Variants in WHRN observed in about 807,000 individuals in gnomAD.
The protein encoded by WHRN is CASK-interacting protein CIP98.
WHRN carries 41 observed loss-of-function variants against 68.3 expected under a neutral mutation model. That is an observed-to-expected ratio of 0.60 (90% CI 0.47 to 0.78). The LOEUF (loss-of-function observed/expected upper bound fraction) is 0.78, where lower values mean the gene tolerates loss of function less well. Ranked by LOEUF, WHRN falls within the 30% of genes least tolerant of loss-of-function variation. WHRN has a pLI of 0.00. For missense variants in WHRN, 1,243 were observed against 1,244.7 expected, an observed-to-expected ratio of 1.00 and a Z score of 0.02; for synonymous variants, 560 against 561.3, an observed-to-expected ratio of 1.00 and a Z score of 0.03.
intron 4 of WHRN, chr9:114,425,931 T>C (rs146428062): frequency 4.4e-4 from 214 of 488,914 alleles, no homozygotes; most frequent in African/African-American, 3.4e-3. Context: ...TGGTCCCCAC[T>C]TTTTGGATGA....
intron 1 of WHRN, among the ~76,000 whole-genome samples, chr9:114,498,533 G>A (rs1160058687): frequency 1.3e-5 from 2 of 152,148 alleles, no homozygotes; most frequent in Non-Finnish European, 2.9e-5. Flanking sequence ...CTCAGAGAAT[G>A]TATGGATGCA....
At position 114,411,668 on chromosome 9, in the gene WHRN, C is replaced by T. The variant is rs186047843; in HGVS notation, c.1627-3650G>A. On this transcript the variant is annotated intron_variant, in intron 7 of 11. Transcript: ENST00000362057. ...AGAGAACTACAAAGGACCTACTGTG[C>T]GCCAGGCCCCGTGCTGGGTGTTTTA... is the stretch of plus-strand genomic sequence containing the variant. Among the ~76,000 whole-genome samples, 176 of 152,262 alleles carry T rather than the reference C, an allele frequency of 1.2e-3. 1 individual carries two copies. The highest frequency in any genetic ancestry group is 5.3e-3 in the Admixed American group (81 of 15,302).
At chr9:114,416,096 A>G (rs1835796290) in intron 7 of WHRN, among the ~76,000 whole-genome samples, 1 of 152,146 alleles carries the variant, frequency 6.6e-6, no homozygotes, top group African/African-American at 2.4e-5. Flanking sequence ...GGGGGACAAG[A>G]GGAGGGAAGA....
chr9:114,443,009 T>C (rs964840162), intron 3 of WHRN, among the ~76,000 whole-genome samples: 1 of 152,158 alleles, frequency 6.6e-6, no homozygotes, highest in African/African-American at 2.4e-5. Context: ...GACATCAGAA[T>C]CTAGAGTGTG....
At chr9:114,405,861 T>C (rs527949188) in intron 9 of WHRN, among the ~76,000 whole-genome samples, 1 of 152,316 alleles carries the variant, frequency 6.6e-6, no homozygotes, top group South Asian at 2.1e-4. Context: ...ACAGCCCATG[T>C]CCTCTAGCAA....
intron 7 of WHRN, among the ~76,000 whole-genome samples, chr9:114,412,805 G>A (rs899272675): frequency 5.9e-5 from 9 of 152,216 alleles, no homozygotes; most frequent in African/African-American, 2.2e-4. Flanking sequence ...TGGACTCAGG[G>A]GCAGGTAAGG....
chr9:114,473,159 A>T (rs180770394), intron 2 of WHRN, among the ~76,000 whole-genome samples: 3 of 152,372 alleles, frequency 2.0e-5, no homozygotes, highest in Admixed American at 6.5e-5. Context: ...GCCGTGGGAC[A>T]GGGACACTGT....
rs760246051 is a variant in WHRN, at chr9:114,406,340, C to A, written c.2236+15G>T. ...GACCCCCAAGGACCACAGAGCCTGGCCTTGCTGTACTCACTGCGCGTCTGG... is the reference window on the plus strand; with the variant it reads ...GACCCCCAAGGACCACAGAGCCTGGACTTGCTGTACTCACTGCGCGTCTGG... On this transcript the variant is annotated intron_variant, in intron 9 of 11. Transcript: ENST00000362057. The A allele has an allele frequency of 1.2e-6, 2 of 1,613,930 alleles. No homozygotes were observed. The highest frequency in any genetic ancestry group is 2.2e-5 in the South Asian group (2 of 91,082).
Position 114,491,811 on chromosome 9 carries a change from G to A in WHRN, c.618+12373C>T, listed in dbSNP as rs532015791. The A allele has an allele frequency of 1.6e-4, 43 of 261,754 alleles. No individual in the cohort carries two copies. In the South Asian group the frequency reaches 4.5e-3, roughly 27 times the overall value. The allele number at this position is 261,754 out of a possible 1,614,324, so 16.2% of individuals were successfully genotyped here. ...CTGGAGCCAGTCCCACCATGCCCACGTCTCCTCCTGCAGGGCCCACAAGTC... is the reference window on the plus strand; with the variant it reads ...CTGGAGCCAGTCCCACCATGCCCACATCTCCTCCTGCAGGGCCCACAAGTC... On this transcript the variant is annotated intron_variant, in intron 1 of 11. Transcript: ENST00000362057.
At chr9:114,495,546 A>G (rs1843382578) in intron 1 of WHRN, among the ~76,000 whole-genome samples, 1 of 152,268 alleles carries the variant, frequency 6.6e-6, no homozygotes, top group South Asian at 2.1e-4. Context: ...ACGAGAAGGC[A>G]ATTAAAAAAT....
At chr9:114,496,342 A>C (rs1843456923) in intron 1 of WHRN, among the ~76,000 whole-genome samples, 1 of 152,210 alleles carries the variant, frequency 6.6e-6, no homozygotes, top group South Asian at 2.1e-4. Context: ...ACCAGGCTTT[A>C]TTACTGCTAT....
At position 114,426,212 on chromosome 9, in the gene WHRN, C is replaced by A. The variant is rs2132405009; in HGVS notation, c.1165G>T (p.Gly389Trp). 1 of 1,612,182 alleles carries A rather than the reference C, an allele frequency of 6.2e-7. No homozygotes were observed. The highest frequency in any genetic ancestry group is 2.2e-4 in the Middle Eastern group (1 of 4,498). Reference sequence around the variant, plus strand: ...TTGGAGCGAGCAGAGTGGCCAGACCCTGCCGAGTTCGCCATGGTCTCCCTG... The same window carrying A: ...TTGGAGCGAGCAGAGTGGCCAGACCATGCCGAGTTCGCCATGGTCTCCCTG... ...RIRETMANSAGFLGDLTTEGI... is the reference protein window; with the variant it reads ...RIRETMANSAWFLGDLTTEGI... The change falls in exon 4 of 12, where the codon GGG (glycine) becomes TGG (tryptophan). Residue 389 changes from glycine (G) to tryptophan (W), a missense_variant and splice_region_variant. Transcript: ENST00000362057.
rs1384158696 is a variant in WHRN at position 114,448,817 on chromosome 9, C to T, written c.963+17450G>A. On this transcript the variant is annotated intron_variant, in intron 3 of 11. Coordinates refer to ENST00000362057, the MANE Select transcript of WHRN (RefSeq NM_015404.4). ...ACCCAGATGTTGAGTGTTCCAGCTG[C>T]GGCTGCAGACATCATGGAGCAGAGA... Among the ~76,000 whole-genome samples, 10 of 152,154 alleles carry T rather than the reference C, an allele frequency of 6.6e-5. No homozygotes were observed. In the East Asian group the frequency reaches 9.6e-4, roughly 15 times the overall value.
intron 1 of WHRN, among the ~76,000 whole-genome samples, chr9:114,499,774 A>G (rs1843767183): frequency 6.6e-6 from 1 of 152,240 alleles, no homozygotes; most frequent in Non-Finnish European, 1.5e-5. Context: ...CACACGGACA[A>G]TCCAATTGGT....
At chr9:114,471,581 A>G (rs541658924) in intron 2 of WHRN, among the ~76,000 whole-genome samples, 41 of 152,158 alleles carry the variant, frequency 2.7e-4, no homozygotes, top group Non-Finnish European at 4.9e-4. Context: ...AGAATTGTGC[A>G]ACCTGCCGGG....
intron 2 of WHRN, among the ~76,000 whole-genome samples, chr9:114,467,773 G>C (rs1184207201): frequency 6.6e-6 from 1 of 152,098 alleles, no homozygotes; most frequent in African/African-American, 2.4e-5. Context: ...AAAGAAAGCA[G>C]GGGACCAGAA....
chr9:114,495,302 T>A (rs1394444495), intron 1 of WHRN, among the ~76,000 whole-genome samples: 1 of 152,064 alleles, frequency 6.6e-6, no homozygotes, highest in Admixed American at 6.5e-5. Flanking sequence ...ATCAGACCGG[T>A]GGGCAGACGA....
intron 1 of WHRN, among the ~76,000 whole-genome samples, chr9:114,479,742 A>G (rs868559769): frequency 1.3e-5 from 2 of 152,164 alleles, no homozygotes; most frequent in South Asian, 4.1e-4. Context: ...AATGGAGGGA[A>G]ACTGCCTGCC....
Position 114,439,178 on chromosome 9 carries a change from G to A in WHRN, c.964-12765C>T, listed in dbSNP as rs185947197. 4.8e-3 allele frequency among the ~76,000 whole-genome samples: 730 copies of A among 152,290 alleles called. 11 individuals are homozygous for A. Among genetic ancestry groups the A allele is most frequent in the Non-Finnish European group, 6.6e-3 (446 of 68,026 alleles). On this transcript the variant is annotated intron_variant, in intron 3 of 11. Transcript: ENST00000362057. ...AGAAGGGACATGGGGAGTCGTACTC[G>A]GAGTGTACCTTTTTGTATAGTTTTG...
Sources: gnomAD v4.1 joint callset for allele counts (sites outside exome capture counted in the v4.1 genomes callset) on GRCh38, gnomAD v4.1.1 for gene constraint, MANE v1.5 for transcripts, NCBI Gene and HGNC (gene_info 2026-07-23, HGNC 2026-07-21) for gene names.